PRSS23: variants seen among roughly 807,000 people sequenced by gnomAD.
PRSS23 encodes serine protease 23.
A neutral mutation model predicts 34.7 loss-of-function variants in PRSS23; 25 were observed. The ratio of observed to expected loss-of-function variants is 0.72; its 90% CI spans 0.53 to 1.01. PRSS23 has a LOEUF of 1.01. Among genes scored for constraint, PRSS23 ranks in the 50% least tolerant of loss-of-function variants. PRSS23 has a pLI of 0.00. For missense variants in PRSS23, 445 were observed against 475.6 expected, an observed-to-expected ratio of 0.94 and a Z score of 0.60; for synonymous variants, 176 against 186.6, an observed-to-expected ratio of 0.94 and a Z score of 0.46.
At chr11:86,829,087 A>G (rs1191854542) in intron 2 of PRSS23, among the ~76,000 whole-genome samples, 3 of 152,094 alleles carry the variant, frequency 2.0e-5, no homozygotes, top group Admixed American at 6.5e-5. Flanking sequence ...CCTGCAGAGT[A>G]TTTTCCAACT....
chr11:86,831,889 T>C (rs1248063811), intron 2 of PRSS23, among the ~76,000 whole-genome samples: 4 of 151,994 alleles, frequency 2.6e-5, no homozygotes, highest in African/African-American at 9.7e-5. Flanking sequence ...GTGCACCTTG[T>C]GATATTATTC....
intron 2 of PRSS23, among the ~76,000 whole-genome samples, chr11:86,824,751 T>C (rs574751381): frequency 6.6e-6 from 1 of 151,788 alleles, no homozygotes; most frequent in African/African-American, 2.4e-5. Flanking sequence ...GTTCTTGGGA[T>C]AGTTTACTGA....
intron 2 of PRSS23, among the ~76,000 whole-genome samples, chr11:86,893,791 C>T (rs925079998): frequency 3.3e-5 from 5 of 151,934 alleles, no homozygotes; most frequent in Admixed American, 1.3e-4. Flanking sequence ...AATGAATACA[C>T]GTCAAAGATT....
chr11:86,829,485 A>G (rs139953978), intron 2 of PRSS23, among the ~76,000 whole-genome samples: 2,585 of 152,006 alleles, frequency 0.017, 71 homozygotes, highest in African/African-American at 0.059. Flanking sequence ...CCTTCTCTCA[A>G]CTCGTCAAAG....
At chr11:86,856,534 T>C (rs190859837) in intron 2 of PRSS23, among the ~76,000 whole-genome samples, 17 of 152,236 alleles carry the variant, frequency 1.1e-4, no homozygotes, top group Admixed American at 9.2e-4. Flanking sequence ...ACATGAACTG[T>C]GGAAAAGGAT....
At chr11:86,866,396 T>C (rs775305079) in intron 2 of PRSS23, among the ~76,000 whole-genome samples, 1 of 152,094 alleles carries the variant, frequency 6.6e-6, no homozygotes, top group Non-Finnish European at 1.5e-5. Flanking sequence ...GCATGCAGGG[T>C]AAAATGACAT....
intron 2 of PRSS23, among the ~76,000 whole-genome samples, chr11:86,869,967 A>T (rs1948674077): frequency 6.6e-6 from 1 of 152,246 alleles, no homozygotes; most frequent in African/African-American, 2.4e-5. Flanking sequence ...GCACAAGATT[A>T]CTTGGCTAAT....
chr11:86,907,982 C>G (rs1007500636), intron 2 of PRSS23, among the ~76,000 whole-genome samples: 2 of 152,226 alleles, frequency 1.3e-5, no homozygotes, highest in African/African-American at 4.8e-5. Context: ...CAGTAGTTGT[C>G]CTGTGACTGG....
chr11:86,913,093 C>T (rs1948987925), intron 2 of PRSS23, among the ~76,000 whole-genome samples: 1 of 152,102 alleles, frequency 6.6e-6, no homozygotes. Flanking sequence ...GAGTTTTATA[C>T]ATAAAATTTT....
intron 2 of PRSS23, among the ~76,000 whole-genome samples, chr11:86,924,817 G>C (rs548957386): frequency 6.6e-6 from 1 of 152,262 alleles, no homozygotes; most frequent in Admixed American, 6.5e-5. Context: ...TCCTCCAAGA[G>C]CCCAGCTTAT....
chr11:86,854,701 T>C (rs1253346254), intron 2 of PRSS23, among the ~76,000 whole-genome samples: 1 of 152,236 alleles, frequency 6.6e-6, no homozygotes, highest in Non-Finnish European at 1.5e-5. Context: ...TGGTGTGACA[T>C]AGGGTCCACC....
rs751919892 is a variant in PRSS23 at position 86,808,203 on chromosome 11, C to T, written c.560C>T (p.Thr187Ile). ...GATGGAAAAACCTATGTGAAAGGAACCCAGAAGCTTCGAGTGGGCTTCCTA... is the reference window on the plus strand; with the variant it reads ...GATGGAAAAACCTATGTGAAAGGAATCCAGAAGCTTCGAGTGGGCTTCCTA... The part of the protein sequence containing the change: ...IHDGKTYVKG[T>I]QKLRVGFLKP... Residue 187 changes from threonine (T) to isoleucine (I), a missense_variant, in exon 2 of 2, where the codon ACC (threonine) becomes ATC (isoleucine). Thr to Ile is a moderately conservative substitution (Grantham distance 89). Coordinates refer to ENST00000280258, the MANE Select transcript of PRSS23 (RefSeq NM_007173.6). 2 of 1,614,130 alleles carry T rather than the reference C, an allele frequency of 1.2e-6. No homozygotes were observed. Among genetic ancestry groups the T allele is most frequent in the Non-Finnish European group, 1.7e-6 (2 of 1,180,032 alleles).
intron 2 of PRSS23, chr11:86,832,818 G>A (rs765115481): frequency 2.7e-4 from 80 of 297,470 alleles, no homozygotes; most frequent in Non-Finnish European, 4.1e-4. Context: ...AAAATGATCC[G>A]TGAGATAGGA....
At chr11:86,951,685 C>T in exon 3 of PRSS23, 2 of 1,614,174 alleles carry the variant, frequency 1.2e-6, no homozygotes, top group Admixed American at 1.7e-5. Flanking sequence ...CAATGGTTTT[C>T]ACTGCGGGGA....
At chr11:86,855,967 T>C (rs1211064832) in intron 2 of PRSS23, among the ~76,000 whole-genome samples, 2 of 152,236 alleles carry the variant, frequency 1.3e-5, no homozygotes, top group East Asian at 1.9e-4. Flanking sequence ...TGTGTGTGTA[T>C]ACCACAGTTT....
chr11:86,942,630 A>G (rs1285271148), intron 2 of PRSS23, among the ~76,000 whole-genome samples: 2 of 152,220 alleles, frequency 1.3e-5, no homozygotes, highest in African/African-American at 4.8e-5. Flanking sequence ...TTGATTTTCT[A>G]TTCTCTTTCC....
chr11:86,791,340 A>G (rs551494997), intron 1 of PRSS23: 1 of 152,330 alleles, frequency 6.6e-6, no homozygotes, highest in East Asian at 1.9e-4. Flanking sequence ...CACATGGATG[A>G]TTATTCTTGT....
At chr11:86,902,104 A>G (rs1008286417) in intron 2 of PRSS23, among the ~76,000 whole-genome samples, 1 of 152,150 alleles carries the variant, frequency 6.6e-6, no homozygotes, top group African/African-American at 2.4e-5. Flanking sequence ...TGATGGATAG[A>G]TGGGAGTGTG....
intron 2 of PRSS23, among the ~76,000 whole-genome samples, chr11:86,835,212 A>G (rs1443365703): frequency 6.6e-6 from 1 of 152,214 alleles, no homozygotes; most frequent in Admixed American, 6.5e-5. Flanking sequence ...TGCCTTTCAC[A>G]TCATGAGATG....
Sources: allele counts gnomAD v4.1 joint callset (sites outside exome capture counted in the v4.1 genomes callset), GRCh38; gene constraint gnomAD v4.1.1; transcripts MANE v1.5; gene names NCBI Gene and HGNC (gene_info 2026-07-23, HGNC 2026-07-21).